The following STAB2 variants were observed in gnomAD, a reference collection of about 807,000 sequenced individuals.
STAB2 encodes stabilin-2.
In STAB2, 288 loss-of-function variants were observed where a neutral mutation model predicts 338.1. The ratio of observed to expected loss-of-function variants is 0.85; its 90% CI spans 0.77 to 0.94. The LOEUF is 0.94. Among genes scored for constraint, STAB2 ranks in the 40% least tolerant of loss-of-function variants. The pLI, the probability that STAB2 is intolerant of heterozygous loss-of-function variation, is 0.00. For synonymous variants in STAB2, 1,202 were observed against 1,193.3 expected, an observed-to-expected ratio of 1.01 and a Z score of -0.15; for missense variants, 3,141 against 3,210.1, an observed-to-expected ratio of 0.98 and a Z score of 0.52.
rs1882792093 is a variant in STAB2, at chr12:103,743,936, G to A, written c.6032-1237G>A. On this transcript the variant is annotated intron_variant, in intron 56 of 68. Transcript: ENST00000388887. ...AAGTCTTTAGCTCTATGTGTGACAG[G>A]AGGCCAGCAAAGGGTTGTGAACAGA... Among the ~76,000 whole-genome samples the A allele has an allele frequency of 2.0e-5, 3 of 152,198 alleles. No homozygotes were observed. In the South Asian group the frequency reaches 6.2e-4, roughly 31 times the overall value.
chr12:103,656,123 G>A lies in STAB2; in HGVS notation c.1734+542G>A, dbSNP rs76884078. ...GGGCAATTATTGACTTCTTCATATC[G>A]GGGTGTCAATGACTGAAACCATTTA... On this transcript the variant is annotated intron_variant, in intron 15 of 68. Transcript: ENST00000388887. Among the ~76,000 whole-genome samples, 1,467 of 152,140 alleles carry A rather than the reference G, an allele frequency of 9.6e-3. 25 individuals are homozygous for A. The highest frequency in any genetic ancestry group is 0.034 in the African/African-American group (1,392 of 41,490).
chr12:103,696,760 C>T (rs555559451), intron 33 of STAB2, among the ~76,000 whole-genome samples: 38 of 152,142 alleles, frequency 2.5e-4, no homozygotes, highest in African/African-American at 5.8e-4. Context: ...AGGCCAGGGA[C>T]GGGGGGAGGA....
intron 3 of STAB2, among the ~76,000 whole-genome samples, chr12:103,602,051 T>G (rs7969320): frequency 0.32 from 48,876 of 152,064 alleles, 10,014 homozygotes; most frequent in African/African-American, 0.58. Context: ...CCTGAAGAGT[T>G]GTGTGGCAAC....
At chr12:103,671,984 G>A (rs1193780083) in intron 22 of STAB2, among the ~76,000 whole-genome samples, 5 of 152,114 alleles carry the variant, frequency 3.3e-5, no homozygotes, top group Non-Finnish European at 5.9e-5. Context: ...CTCAGAAAAC[G>A]GCTATTTCTT....
intron 30 of STAB2, among the ~76,000 whole-genome samples, chr12:103,691,034 A>G (rs1877894617): frequency 6.6e-6 from 1 of 152,252 alleles, no homozygotes; most frequent in Non-Finnish European, 1.5e-5. Flanking sequence ...ACTACTATGT[A>G]CCAGGCACAG....
chr12:103,649,057 C>G (rs1873543912), intron 10 of STAB2, among the ~76,000 whole-genome samples: 1 of 152,160 alleles, frequency 6.6e-6, no homozygotes, highest in Non-Finnish European at 1.5e-5. Context: ...GAGCTGAGGA[C>G]AGGGTTTGGG....
chr12:103,731,629 A>C lies in STAB2; in HGVS notation c.5277A>C (p.Leu1759Phe). The C allele has an allele frequency of 6.2e-7, 1 of 1,612,796 alleles. No individual in the cohort carries two copies. Among genetic ancestry groups the C allele is most frequent in the East Asian group, 2.2e-5 (1 of 44,862 alleles). ...TNNGYIKFSN[L>F]IQDSGLLSVI... is the part of the protein sequence containing the mutation. ...ATGGCTACATCAAATTTAGCAACTT[A>C]ATACAGGTAAAAATTTAGGGGAAGT... Residue 1759 changes from leucine to phenylalanine, a missense_variant, in exon 50 of 69, where the codon TTA becomes TTC. Leu to Phe is a conservative substitution (Grantham distance 22, BLOSUM62 0). Coordinates refer to ENST00000388887, the MANE Select transcript of STAB2 (RefSeq NM_017564.10).
chr12:103,698,466 C>G (rs984465578), intron 33 of STAB2, among the ~76,000 whole-genome samples: 4 of 152,098 alleles, frequency 2.6e-5, no homozygotes, highest in Admixed American at 6.6e-5. Context: ...AACCACAGAG[C>G]CCACCCCTAG....
intron 45 of STAB2, among the ~76,000 whole-genome samples, chr12:103,725,594 ATG>A (rs1223857050): frequency 2.0e-5 from 3 of 151,632 alleles, no homozygotes; most frequent in Admixed American, 6.6e-5. Flanking sequence ...GTGTGTGTGC[ATG>A]TGTGTACGTG....
chr12:103,735,482 C>T lies in STAB2; in HGVS notation c.5461-9C>T, dbSNP rs1047970223. The T allele has an allele frequency of 5.0e-6, 8 of 1,601,422 alleles. No homozygotes were observed. Among genetic ancestry groups the T allele is most frequent in the East Asian group, 2.2e-5 (1 of 44,534 alleles). The stretch of plus-strand genomic sequence containing the variant: ...TTGGGGCAGTCACGTGGTGCCATCA[C>T]TCCTACAGGTTTTAGCTGTGGATCT... On this transcript the variant is annotated splice_polypyrimidine_tract_variant and intron_variant, in intron 51 of 68. Coordinates refer to ENST00000388887, the MANE Select transcript of STAB2 (RefSeq NM_017564.10).
At chr12:103,661,310 A>G (rs7958947) in intron 17 of STAB2, among the ~76,000 whole-genome samples, 91,008 of 151,808 alleles carry the variant, frequency 0.6, 28,065 homozygotes, top group South Asian at 0.77. Flanking sequence ...AGAAGGCTGC[A>G]TTATTCATCT....
At position 103,661,196 on chromosome 12, in the gene STAB2, T is replaced by G. The variant is rs1162296421; in HGVS notation, c.1869+433T>G. 2.6e-5 allele frequency among the ~76,000 whole-genome samples: 3 copies of G among 115,602 alleles called. No homozygotes were observed. The East Asian group carries it at 7.3e-4, about 28-fold the overall frequency. The allele number at this position is 115,602 out of a possible 152,430, so 75.8% of individuals were successfully genotyped here. On this transcript the variant is annotated intron_variant, in intron 17 of 68. Coordinates refer to ENST00000388887, the MANE Select transcript of STAB2 (RefSeq NM_017564.10). ...TGAATAAAGTGAAATTGGACAGGGATCAGTAGAAAAGAGTTCCAGACAAAA... is the reference window on the plus strand; with the variant it reads ...TGAATAAAGTGAAATTGGACAGGGAGCAGTAGAAAAGAGTTCCAGACAAAA...
Position 103,766,554 on chromosome 12 carries a change from C to T in STAB2, c.*218C>T, listed in dbSNP as rs996924075. The T allele has an allele frequency of 9.2e-6, 5 of 543,666 alleles. No individual in the cohort carries two copies. Among genetic ancestry groups the T allele is most frequent in the Admixed American group, 6.5e-5 (2 of 30,858 alleles). 33.7% of individuals were successfully genotyped at this position (543,666 alleles called of 1,614,324 possible). A position where few individuals can be genotyped will look rare whatever the true frequency, so the allele number is the denominator to read the frequency against. On this transcript the variant is annotated 3_prime_UTR_variant, in exon 69 of 69. Transcript: ENST00000388887. Reference sequence around the variant, plus strand: ...CTCCTCTGACCCTTTGGCTCTTCTTCCTTTGTACTCTTCAGCTGGCACCTG... The same window carrying T: ...CTCCTCTGACCCTTTGGCTCTTCTTTCTTTGTACTCTTCAGCTGGCACCTG...
At chr12:103,721,744 C>T (rs1301899823) in intron 44 of STAB2, among the ~76,000 whole-genome samples, 6 of 152,312 alleles carry the variant, frequency 3.9e-5, no homozygotes, top group African/African-American at 1.4e-4. Flanking sequence ...AATCCCAGCA[C>T]TTTGGGGCAC....
Position 103,600,107 on chromosome 12 carries a change from T to G in STAB2, c.331+5597T>G, listed in dbSNP as rs144458750. Among the ~76,000 whole-genome samples, 661 of 152,340 alleles carry G rather than the reference T, an allele frequency of 4.3e-3. 3 individuals carry two copies. The highest frequency in any genetic ancestry group is 0.015 in the African/African-American group (614 of 41,582). On this transcript the variant is annotated intron_variant, in intron 3 of 68. Coordinates refer to ENST00000388887, the MANE Select transcript of STAB2 (RefSeq NM_017564.10). ...TCATTTAGATGTGAAAATGAGAACC[T>G]ACATGAAAAGTGGTTGGCAATAGTA...
intron 55 of STAB2, 98 bp downstream of exon 55, chr12:103,740,854 G>A: frequency 2.8e-6 from 4 of 1,428,666 alleles, no homozygotes; most frequent in Non-Finnish European, 3.7e-6. Flanking sequence ...GGGGGATGGG[G>A]GAAACACTGC....
At chr12:103,639,994 T>C in intron 8 of STAB2, 129 bp from the exon 9 acceptor site, 1 of 1,135,258 alleles carries the variant, frequency 8.8e-7, no homozygotes, top group East Asian at 2.6e-5. Flanking sequence ...AAATTTTTAG[T>C]TTAAGTCCAC....
chr12:103,671,977 AGAAAACGGCTATTTCTTCACCTATAAAAT>A (rs1875838270), intron 22 of STAB2, among the ~76,000 whole-genome samples: 1 of 152,236 alleles, frequency 6.6e-6, no homozygotes, highest in East Asian at 1.9e-4. Flanking sequence ...GTCTGATCTC[AGAAAACGGCTATTTCTTCACCTATAAAAT>A]GAAGATAATA....
intron 22 of STAB2, among the ~76,000 whole-genome samples, chr12:103,673,598 G>A (rs956354428): frequency 3.3e-4 from 50 of 152,094 alleles, no homozygotes; most frequent in Non-Finnish European, 2.2e-4. Flanking sequence ...ATCCTCCCAC[G>A]TCAGCTTCCC....
Sources: allele counts gnomAD v4.1 joint callset (sites outside exome capture counted in the v4.1 genomes callset), GRCh38; gene constraint gnomAD v4.1.1; transcripts MANE v1.5; gene names NCBI Gene and HGNC (gene_info 2026-07-23, HGNC 2026-07-21).